The following PLEKHA4 variants were observed in gnomAD, a reference collection of about 807,000 sequenced individuals.
The protein encoded by PLEKHA4 is pleckstrin homology domain containing A4.
A neutral mutation model predicts 94.7 loss-of-function variants in PLEKHA4; 73 were observed. The observed-to-expected ratio is 0.77, with a 90% confidence interval of 0.64 to 0.94. The LOEUF (loss-of-function observed/expected upper bound fraction) is 0.94. Among genes scored for constraint, PLEKHA4 ranks in the 40% least tolerant of loss-of-function variants. The pLI is 0.00. For synonymous variants in PLEKHA4, 449 were observed against 437.1 expected (o/e 1.03, Z -0.34); for missense variants, 1,049 against 1,054.1 (o/e 1.00, Z 0.07).
Position 48,856,309 on chromosome 19 carries a change from C to T in PLEKHA4, c.1047+1113G>A, listed in dbSNP as rs1324948047. ...AAGAAAGAAAGGAAGGAAGGCCAGT[C>T]GCGGTGGCTCACGCCTGTAATCCCA... On this transcript the variant is annotated intron_variant, in intron 9 of 19. Coordinates refer to ENST00000263265, the MANE Select transcript of PLEKHA4 (RefSeq NM_020904.3). Among the ~76,000 whole-genome samples, 31 of 151,848 alleles carry T rather than the reference C, an allele frequency of 2.0e-4. No individual in the cohort carries two copies. The East Asian group carries it at 5.6e-3, about 28-fold the overall frequency.
intron 3 of PLEKHA4, among the ~76,000 whole-genome samples, chr19:48,864,313 C>T (rs1345220486): frequency 1.3e-5 from 2 of 151,846 alleles, no homozygotes; most frequent in Non-Finnish European, 1.5e-5. Flanking sequence ...ATTACAGGCA[C>T]CCCCAAGCTG....
chr19:48,863,438 T>G (rs866706810), intron 3 of PLEKHA4, among the ~76,000 whole-genome samples: 13 of 149,076 alleles, frequency 8.7e-5, no homozygotes, highest in South Asian at 2.1e-4. Flanking sequence ...TTTTGTTTTT[T>G]TTTTTTTTTG....
At chr19:48,859,254 A>C (rs2036546676) in intron 7 of PLEKHA4, 115 bp from the exon 8 acceptor site, 4 of 961,134 alleles carry the variant, frequency 4.2e-6, no homozygotes, top group Admixed American at 2.5e-5. Context: ...TTACTGTCCC[A>C]CTGGGTTAGA....
At chr19:48,840,068 A>G (rs574413477) in intron 17 of PLEKHA4, among the ~76,000 whole-genome samples, 1 of 151,862 alleles carries the variant, frequency 6.6e-6, no homozygotes, top group African/African-American at 2.4e-5. Flanking sequence ...AGATTCCACC[A>G]CTATACTCCA....
Position 48,838,021 on chromosome 19 carries a change from C to T in PLEKHA4, c.2073G>A (p.Met691Ile). ...ATEASQWHRM[M>I]TGGNLDSQGD... The stretch of plus-strand genomic sequence containing the variant: ...CCAACATCCCCAGCCAGTCACCTGT[C>T]ATCATTCTGTGCCACTGCGACGCCT... Residue 691 changes from methionine (M) to isoleucine (I), a missense_variant, in exon 19 of 20, where the codon ATG (methionine) becomes ATA (isoleucine). Met to Ile is a conservative substitution (Grantham distance 10). Transcript: ENST00000263265. The T allele has an allele frequency of 3.7e-6, 6 of 1,610,922 alleles. No individual in the cohort carries two copies. Among genetic ancestry groups the T allele is most frequent in the Non-Finnish European group, 5.1e-6 (6 of 1,177,432 alleles).
At chr19:48,845,242 C>T in intron 16 of PLEKHA4, 128 bp downstream of exon 16, 1 of 869,192 alleles carries the variant, frequency 1.2e-6, no homozygotes. Context: ...AATCTCAATG[C>T]TCTTAACAAG....
chr19:48,867,333 T>C lies in PLEKHA4; in HGVS notation c.84+204A>G, dbSNP rs1275906106. On this transcript the variant is annotated intron_variant, in intron 2 of 19. Coordinates refer to ENST00000263265, the MANE Select transcript of PLEKHA4 (RefSeq NM_020904.3). This position sits in a 1 kb window ranked among gnomAD's most constrained non-coding sequence, Gnocchi z 4.7. ...GGAGGTTGTTACTCTGGTTTAGAAT[T>C]AGGAAAATACAAAGGGTGGGGACAG... Among the ~76,000 whole-genome samples, 1 of 152,106 alleles carries C rather than the reference T, an allele frequency of 6.6e-6. No homozygotes were observed. Among genetic ancestry groups the C allele is most frequent in the Admixed American group, 6.6e-5 (1 of 15,260 alleles).
intron 16 of PLEKHA4, chr19:48,844,359 T>C: frequency 1.5e-5 from 9 of 594,576 alleles, no homozygotes; most frequent in Non-Finnish European, 1.9e-5. Context: ...TTCACCATGT[T>C]GGTCAATCTG....
intron 18 of PLEKHA4, 151 bp from the exon 19 acceptor site, chr19:48,838,280 T>C (rs903759776): frequency 5.7e-5 from 29 of 510,812 alleles, no homozygotes; most frequent in Non-Finnish European, 9.6e-5. Flanking sequence ...AATTGTACAT[T>C]TTTAAATAAA....
chr19:48,866,827 A>T (rs1599942279), intron 2 of PLEKHA4, among the ~76,000 whole-genome samples: 2 of 152,122 alleles, frequency 1.3e-5, no homozygotes, highest in East Asian at 3.9e-4. Context: ...GAATCAAAGG[A>T]TGCCCTGGTG....
At chr19:48,856,898 CAA>C (rs1315657736) in intron 9 of PLEKHA4, among the ~76,000 whole-genome samples, 8 of 35,632 alleles carry the variant, frequency 2.2e-4, no homozygotes, top group Admixed American at 3.4e-4. Context: ...GACCCCGTCT[CAA>C]AAAAAAAAAA....
intron 7 of PLEKHA4, 75 bp from the exon 8 acceptor site, chr19:48,859,214 C>T: frequency 8.4e-7 from 1 of 1,186,888 alleles, no homozygotes; most frequent in Non-Finnish European, 1.2e-6. Context: ...ATCAAGTCAG[C>T]CTCAAGGACA....
chr19:48,849,515 G>A (rs535419996), intron 13 of PLEKHA4, among the ~76,000 whole-genome samples: 1 of 151,552 alleles, frequency 6.6e-6, no homozygotes, highest in Non-Finnish European at 1.5e-5. Context: ...CACCATGTTC[G>A]TCAGATTGGT....
At chr19:48,855,621 A>AATAAATAT (rs1177236255) in intron 9 of PLEKHA4, among the ~76,000 whole-genome samples, 14 of 150,698 alleles carry the variant, frequency 9.3e-5, no homozygotes, top group Non-Finnish European at 1.9e-4. Flanking sequence ...TAAATAAATA[A>AATAAATAT]ATAAATAAAT....
In PLEKHA4 at chr19:48,839,500, C is replaced by T. The variant is rs150232712; in HGVS notation, c.1906-237G>A. ...GTGTGATCATAACTCACTGTAGTCT[C>T]GACTTCCCAGGCTTGGACTAATCCT... On this transcript the variant is annotated intron_variant, in intron 17 of 19. Coordinates refer to ENST00000263265, the MANE Select transcript of PLEKHA4 (RefSeq NM_020904.3). Among the ~76,000 whole-genome samples, 5 of 152,136 alleles carry T rather than the reference C, an allele frequency of 3.3e-5. No homozygotes were observed. The South Asian group carries it at 6.2e-4, about 19-fold the overall frequency.
chr19:48,853,627 G>T, intron 12 of PLEKHA4, 55 bp downstream of exon 12: 1 of 1,427,690 alleles, frequency 7.0e-7, no homozygotes, highest in South Asian at 1.5e-5. Flanking sequence ...CCTTCGTAAC[G>T]ACTTGCATAG....
intron 3 of PLEKHA4, among the ~76,000 whole-genome samples, 160 bp downstream of exon 3, chr19:48,865,343 A>T (rs2036791280): frequency 6.6e-6 from 1 of 152,142 alleles, no homozygotes; most frequent in Non-Finnish European, 1.5e-5. Flanking sequence ...ACTCTGTCTT[A>T]AAAATAAATA....
At chr19:48,859,200 AC>A in intron 7 of PLEKHA4, 61 bp from the exon 8 acceptor site, 2 of 1,282,776 alleles carry the variant, frequency 1.6e-6, no homozygotes, top group Non-Finnish European at 2.2e-6. Flanking sequence ...CCACCTCCTT[AC>A]CCATCAAGTC....
At position 48,848,037 on chromosome 19, in the gene PLEKHA4, T is replaced by C; in HGVS notation, c.1429A>G (p.Arg477Gly). 1.9e-6 allele frequency: 3 copies of C among 1,613,588 alleles called. No individual in the cohort carries two copies. Among genetic ancestry groups the C allele is most frequent in the Non-Finnish European group, 2.5e-6 (3 of 1,179,954 alleles). ...YLLHLGSPQD[R>G]VSAQQQLWMV... ...CACAGCTGCTGCTGAGCAGACACTC[T>C]GTCCTGCAGGGAGGAAAGGAATTTG... The change falls in exon 14 of 20, where the codon AGA becomes GGA. Residue 477 changes from arginine (R) to glycine (G), a missense_variant. Physicochemically the swap from Arg to Gly is moderately radical, Grantham distance 125. Coordinates refer to ENST00000263265, the MANE Select transcript of PLEKHA4 (RefSeq NM_020904.3).
Sources: allele counts gnomAD v4.1 joint callset (sites outside exome capture counted in the v4.1 genomes callset), GRCh38; gene constraint gnomAD v4.1.1; non-coding constraint Gnocchi (gnomAD v3.1); transcripts MANE v1.5; gene names NCBI Gene and HGNC (gene_info 2026-07-23, HGNC 2026-07-21).